The following SHROOM3 variants were observed in gnomAD, a reference collection of about 807,000 sequenced individuals.
The protein encoded by SHROOM3 is protein Shroom3.
In SHROOM3, 47 loss-of-function variants were observed where a neutral mutation model predicts 138.6. The observed-to-expected ratio is 0.34, with a 90% CI of 0.27 to 0.43. The LOEUF (loss-of-function observed/expected upper bound fraction) is 0.43, where lower values mean the gene tolerates loss of function less well. Among genes scored for constraint, SHROOM3 ranks in the 20% least tolerant of loss-of-function variants. The probability of loss-of-function intolerance (pLI) is 1.00; values close to 1 mark genes in which losing one functional copy is unlikely to be tolerated. For synonymous variants in SHROOM3, 1,062 were observed against 1,063.3 expected, an observed-to-expected ratio of 1.00 and a Z score of 0.02; for missense variants, 2,491 against 2,596.5, an observed-to-expected ratio of 0.96 and a Z score of 0.88.
chr4:76,686,170 C>T (rs567602724), intron 2 of SHROOM3, among the ~76,000 whole-genome samples: 31 of 152,024 alleles, frequency 2.0e-4, no homozygotes, highest in Non-Finnish European at 3.7e-4. Context: ...CATGCCACCA[C>T]GCCTGGCTAA....
At chr4:76,446,810 T>G (rs1397958333) in intron 1 of SHROOM3, among the ~76,000 whole-genome samples, 2 of 152,174 alleles carry the variant, frequency 1.3e-5, no homozygotes, top group Non-Finnish European at 2.9e-5. Flanking sequence ...GGAGTGCTCT[T>G]TACACCAAAC....
chr4:76,620,345 T>A (rs1734977895), intron 2 of SHROOM3, among the ~76,000 whole-genome samples: 1 of 152,066 alleles, frequency 6.6e-6, no homozygotes, highest in African/African-American at 2.4e-5. Flanking sequence ...TCCAAAGACA[T>A]ATTAGAGATA....
At position 76,664,131 on chromosome 4, in the gene SHROOM3, AG is replaced by A. The variant is rs1718621948; in HGVS notation, c.324-46023del. 1.3e-5 allele frequency among the ~76,000 whole-genome samples: 2 copies of A among 152,210 alleles called. No homozygotes were observed. Among genetic ancestry groups the A allele is most frequent in the African/African-American group, 2.4e-5 (1 of 41,464 alleles). The stretch of plus-strand genomic sequence containing the variant: ...GTCATTGAAAGAATACTTTCTCTGT[AG>A]GCCCATAGTCATTTACCACATGGGA... On this transcript the variant is annotated intron_variant, in intron 2 of 10. Transcript: ENST00000296043. This position sits in a 1 kb window ranked among gnomAD's most constrained non-coding sequence, Gnocchi z 4.2.
Position 76,776,510 on chromosome 4 carries a change from C to T in SHROOM3, c.5623-2299C>T, listed in dbSNP as rs7682823. ...TCCCTTTTGGATTCTTTGTCATGAACTCTTTGCCGAAGCCAATGCCTAGAA... is the reference window on the plus strand; with the variant it reads ...TCCCTTTTGGATTCTTTGTCATGAATTCTTTGCCGAAGCCAATGCCTAGAA... On this transcript the variant is annotated intron_variant, in intron 10 of 10. Transcript: ENST00000296043. Among the ~76,000 whole-genome samples the T allele has an allele frequency of 7.5e-3, 1,142 of 152,212 alleles. 14 individuals carry two copies. The highest frequency in any genetic ancestry group is 0.026 in the African/African-American group (1,086 of 41,552).
intron 1 of SHROOM3, among the ~76,000 whole-genome samples, chr4:76,527,381 G>C (rs1323402853): frequency 1.3e-5 from 2 of 152,166 alleles, no homozygotes; most frequent in Admixed American, 1.3e-4. Context: ...TCAGGAGTTT[G>C]AGACCAGCCT....
At chr4:76,441,739 TG>T (rs1007817023) in intron 1 of SHROOM3, among the ~76,000 whole-genome samples, 26 of 152,228 alleles carry the variant, frequency 1.7e-4, no homozygotes, top group African/African-American at 5.5e-4. Context: ...TTTTTGTTTT[TG>T]AGATAGAGTT....
intron 2 of SHROOM3, among the ~76,000 whole-genome samples, chr4:76,687,333 G>T (rs917805109): frequency 6.6e-6 from 1 of 152,056 alleles, no homozygotes; most frequent in African/African-American, 2.4e-5. Flanking sequence ...AAATGCTTTC[G>T]ATTCTAATGT....
intron 8 of SHROOM3, chr4:76,758,233 AC>A (rs1404348641): frequency 1.3e-5 from 2 of 152,232 alleles, no homozygotes; most frequent in African/African-American, 4.8e-5. Flanking sequence ...TCCACTGGGT[AC>A]TATGGGGACC....
chr4:76,734,167 G>T (rs906709359), intron 4 of SHROOM3, among the ~76,000 whole-genome samples: 3 of 152,192 alleles, frequency 2.0e-5, no homozygotes, highest in East Asian at 3.9e-4. Context: ...GGCATAAAAA[G>T]CCCCCTGCAC....
intron 2 of SHROOM3, among the ~76,000 whole-genome samples, chr4:76,591,630 T>C (rs1424489678): frequency 7.6e-6 from 1 of 131,050 alleles, no homozygotes; most frequent in Admixed American, 8.3e-5. Flanking sequence ...CCCTTAGTAA[T>C]GGCGCCAACC....
intron 1 of SHROOM3, among the ~76,000 whole-genome samples, chr4:76,529,420 C>T (rs576255154): frequency 2.0e-5 from 3 of 152,122 alleles, no homozygotes; most frequent in South Asian, 4.2e-4. Flanking sequence ...GAGTTCACAC[C>T]GTTCTCTTGC....
intron 2 of SHROOM3, among the ~76,000 whole-genome samples, chr4:76,654,043 A>G (rs921416313): frequency 6.6e-6 from 1 of 152,206 alleles, no homozygotes; most frequent in Non-Finnish European, 1.5e-5. Context: ...AATAGACATG[A>G]TAACAGGCTT....
intron 8 of SHROOM3, chr4:76,757,170 T>C (rs1468335773): frequency 5.5e-6 from 3 of 545,926 alleles, no homozygotes; most frequent in Non-Finnish European, 9.7e-6. Flanking sequence ...TAGTACCCAT[T>C]GTTAACGTTG....
At chr4:76,521,221 T>C (rs1043360213) in intron 1 of SHROOM3, among the ~76,000 whole-genome samples, 8 of 152,226 alleles carry the variant, frequency 5.3e-5, no homozygotes, top group African/African-American at 1.7e-4. Flanking sequence ...GAAATCTATT[T>C]ACAGTCAATA....
intron 2 of SHROOM3, among the ~76,000 whole-genome samples, chr4:76,582,479 T>C (rs1734071808): frequency 6.6e-6 from 1 of 152,132 alleles, no homozygotes; most frequent in African/African-American, 2.4e-5. Flanking sequence ...CACAAGGCCA[T>C]GTGCAAATCA....
chr4:76,717,313 G>C (rs961160358), intron 3 of SHROOM3, among the ~76,000 whole-genome samples: 1 of 152,110 alleles, frequency 6.6e-6, no homozygotes, highest in African/African-American at 2.4e-5. Context: ...GACATACCTA[G>C]GTGTAGTTTT....
intron 2 of SHROOM3, among the ~76,000 whole-genome samples, chr4:76,621,830 CTTTT>C (rs1437662557): frequency 4.5e-5 from 6 of 133,350 alleles, no homozygotes; most frequent in Admixed American, 7.6e-5. Flanking sequence ...TTTGAATGTT[CTTTT>C]TTTTTTTTTT....
chr4:76,712,564 C>T (rs191711874), intron 3 of SHROOM3, among the ~76,000 whole-genome samples: 4 of 152,284 alleles, frequency 2.6e-5, no homozygotes, highest in East Asian at 1.9e-4. Context: ...TTGTCCTCAT[C>T]AGTGTGGTCA....
At chr4:76,689,124 A>C (rs2110106716) in intron 2 of SHROOM3, among the ~76,000 whole-genome samples, 1 of 152,164 alleles carries the variant, frequency 6.6e-6, no homozygotes, top group East Asian at 1.9e-4. Flanking sequence ...GAGGTTAATT[A>C]AGGCACCTTT....
Sources: allele counts gnomAD v4.1 joint callset (sites outside exome capture counted in the v4.1 genomes callset), GRCh38; gene constraint gnomAD v4.1.1; non-coding constraint Gnocchi (gnomAD v3.1); transcripts MANE v1.5; gene names NCBI Gene and HGNC (gene_info 2026-07-23, HGNC 2026-07-21).